Variants in ROR2 observed in about 807,000 individuals in gnomAD.
ROR2 encodes ROR family WNT receptor 2.
Under a neutral mutation model 74.9 loss-of-function variants are expected in ROR2, and 33 were observed. That is an observed-to-expected ratio of 0.44 (90% CI 0.33 to 0.59). ROR2 has a LOEUF of 0.59. Among genes scored for constraint, ROR2 ranks in the 20% least tolerant of loss-of-function variants. The pLI, the probability that ROR2 is intolerant of heterozygous loss-of-function variation, is 0.02. For synonymous variants in ROR2, 586 were observed against 558.7 expected, an observed-to-expected ratio of 1.05 and a Z score of -0.69; for missense variants, 1,216 against 1,313.8, an observed-to-expected ratio of 0.93 and a Z score of 1.15.
chr9:91,914,526 G>A (rs878994189), intron 1 of ROR2, among the ~76,000 whole-genome samples: 3 of 152,202 alleles, frequency 2.0e-5, no homozygotes, highest in Admixed American at 2.0e-4. Flanking sequence ...TTGGGGTTGT[G>A]AATGAGCTTT....
chr9:91,737,057 C>T (rs1222779385), intron 5 of ROR2, among the ~76,000 whole-genome samples: 2 of 152,174 alleles, frequency 1.3e-5, no homozygotes, highest in Non-Finnish European at 1.5e-5. Flanking sequence ...AGGCTATCTG[C>T]GCCAGTGTGG....
Position 91,757,489 on chromosome 9 carries a change from G to A in ROR2, c.246C>T (p.His82=). The A allele has an allele frequency of 4.3e-6, 7 of 1,613,864 alleles. No homozygotes were observed. Among genetic ancestry groups the A allele is most frequent in the Non-Finnish European group, 5.9e-6 (7 of 1,180,008 alleles). Residue 82 remains histidine (H), a synonymous_variant, in exon 3 of 9, where the codon CAC becomes CAT. Transcript: ENST00000375708. ...TIVQGQTAIL[H]CKVAGNPPPN... Reference sequence around the variant, plus strand: ...GGGGTGGGTTTCCTGCCACCTTGCAGTGCAGAATTGCCGTCTGGCCTTGGA... The same window carrying A: ...GGGGTGGGTTTCCTGCCACCTTGCAATGCAGAATTGCCGTCTGGCCTTGGA...
intron 1 of ROR2, among the ~76,000 whole-genome samples, chr9:91,929,555 G>T (rs548225928): frequency 6.6e-6 from 1 of 152,234 alleles, no homozygotes; most frequent in Admixed American, 6.5e-5. Flanking sequence ...AGACACAAAA[G>T]AACCAGCACC....
intron 8 of ROR2, 143 bp from the exon 9 acceptor site, chr9:91,725,250 G>C: frequency 1.5e-6 from 2 of 1,366,030 alleles, no homozygotes; most frequent in Non-Finnish European, 2.1e-6. Flanking sequence ...TGCCCACCCA[G>C]CCTTGGCCTG....
chr9:91,836,545 A>AAAAAAC (rs1828617148), intron 1 of ROR2, among the ~76,000 whole-genome samples: 2 of 151,952 alleles, frequency 1.3e-5, no homozygotes. Flanking sequence ...ATCTCAAAAA[A>AAAAAAC]AAAAAAAAAC....
intron 1 of ROR2, among the ~76,000 whole-genome samples, chr9:91,804,009 A>G (rs1484278008): frequency 6.6e-6 from 1 of 152,120 alleles, no homozygotes; most frequent in African/African-American, 2.4e-5. Flanking sequence ...TTCGTTATTA[A>G]TTTGCTATGA....
chr9:91,850,173 T>C (rs1392571859), intron 1 of ROR2, among the ~76,000 whole-genome samples: 1 of 152,206 alleles, frequency 6.6e-6, no homozygotes, highest in Non-Finnish European at 1.5e-5. Flanking sequence ...TGTGGTAATC[T>C]ATACTCCACA....
At chr9:91,759,250 C>T (rs1272166390) in intron 2 of ROR2, among the ~76,000 whole-genome samples, 1 of 152,066 alleles carries the variant, frequency 6.6e-6, no homozygotes, top group African/African-American at 2.4e-5. Context: ...GATGAGGAGA[C>T]GGTCTTCATT....
chr9:91,945,289 T>A (rs2118087350), intron 1 of ROR2, among the ~76,000 whole-genome samples: 1 of 152,310 alleles, frequency 6.6e-6, no homozygotes, highest in South Asian at 2.1e-4. Context: ...GCTACTATAT[T>A]CCACAGCACA....
At chr9:91,823,717 C>A (rs1243675148) in intron 1 of ROR2, among the ~76,000 whole-genome samples, 1 of 152,224 alleles carries the variant, frequency 6.6e-6, no homozygotes, top group African/African-American at 2.4e-5. Context: ...TATCTTTCAA[C>A]TTTTGTGCAT....
intron 1 of ROR2, among the ~76,000 whole-genome samples, chr9:91,839,251 G>GGTGTGTGTGTGTGTGTGTGT (rs56134220): frequency 9.3e-6 from 1 of 107,714 alleles, no homozygotes; most frequent in East Asian, 3.2e-4. Flanking sequence ...TCAGATCGGG[G>GGTGTGTGTGTGTGTGTGTGT]GTGTGTGTGT....
intron 4 of ROR2, among the ~76,000 whole-genome samples, chr9:91,754,634 GAC>G (rs1825688209): frequency 6.6e-6 from 1 of 152,144 alleles, no homozygotes; most frequent in South Asian, 2.1e-4. Flanking sequence ...CAGCCTGGGT[GAC>G]AGGGCGAGAC....
rs781546492 is a variant in ROR2, at chr9:91,724,194, G to T, written c.2300C>A (p.Thr767Asn). Residue 767 changes from threonine (T) to asparagine (N), a missense_variant, in exon 9 of 9, where the codon ACC becomes AAC. Thr to Asn is a moderately conservative substitution (Grantham distance 65). Coordinates refer to ENST00000375708, the MANE Select transcript of ROR2 (RefSeq NM_004560.4). ...SSAQTSGASN[T>N]TQTSSLSTSP... ...GGTGCTCAGGGAGCTGGTCTGCGTG[G>T]TGTTGCTGGCCCCCGAGGTCTGCGC... 6.2e-7 allele frequency: 1 copy of T among 1,612,974 alleles called. No individual in the cohort carries two copies. Among genetic ancestry groups the T allele is most frequent in the Non-Finnish European group, 8.5e-7 (1 of 1,180,038 alleles).
At chr9:91,827,168 C>G (rs1587758806) in intron 1 of ROR2, among the ~76,000 whole-genome samples, 1 of 152,232 alleles carries the variant, frequency 6.6e-6, no homozygotes, top group East Asian at 1.9e-4. Context: ...TGCCCCCTAA[C>G]TATATGCTCC....
chr9:91,919,917 T>G (rs895568368), intron 1 of ROR2, among the ~76,000 whole-genome samples: 1 of 152,090 alleles, frequency 6.6e-6, no homozygotes, highest in East Asian at 1.9e-4. Flanking sequence ...AACCTGAACT[T>G]TCAGAAATAT....
intron 1 of ROR2, among the ~76,000 whole-genome samples, chr9:91,792,507 A>C (rs1456706619): frequency 2.6e-5 from 4 of 152,044 alleles, no homozygotes; most frequent in Non-Finnish European, 4.4e-5. Context: ...ACTGGGTTTC[A>C]CCGTGTTAGC....
intron 1 of ROR2, among the ~76,000 whole-genome samples, chr9:91,812,393 CG>C (rs1563976687): frequency 6.6e-6 from 1 of 151,668 alleles, no homozygotes; most frequent in Non-Finnish European, 1.5e-5. Context: ...GGCTCCTGCG[CG>C]GGGGCCGGGC....
chr9:91,839,832 G>A (rs566351206), intron 1 of ROR2, among the ~76,000 whole-genome samples: 8 of 152,062 alleles, frequency 5.3e-5, no homozygotes, highest in Non-Finnish European at 7.4e-5. Context: ...TTTCTCCACC[G>A]ACACTCCTGA....
chr9:91,838,108 T>C (rs555708669), intron 1 of ROR2, among the ~76,000 whole-genome samples: 1 of 152,350 alleles, frequency 6.6e-6, no homozygotes, highest in African/African-American at 2.4e-5. Context: ...GCAGTTAAAA[T>C]CTTTACCGTG....
Sources: gnomAD v4.1 joint callset for allele counts (sites outside exome capture counted in the v4.1 genomes callset) on GRCh38, gnomAD v4.1.1 for gene constraint, MANE v1.5 for transcripts, NCBI Gene and HGNC (gene_info 2026-07-23, HGNC 2026-07-21) for gene names.